ADAMTSL1: variants seen among roughly 807,000 people sequenced by gnomAD.
The protein encoded by ADAMTSL1 is ADAMTS like 1.
Under a neutral mutation model 201.8 loss-of-function variants are expected in ADAMTSL1, and 126 were observed. The ratio of observed to expected loss-of-function variants is 0.62; its 90% confidence interval spans 0.54 to 0.72. The LOEUF (loss-of-function observed/expected upper bound fraction) is 0.72. ADAMTSL1 is among the 30% of genes least tolerant of loss of function. The probability of loss-of-function intolerance (pLI) is 0.00; values close to 1 mark genes in which losing one functional copy is unlikely to be tolerated. For synonymous variants in ADAMTSL1, 1,121 were observed against 903.4 expected, an observed-to-expected ratio of 1.24 and a Z score of -4.32; for missense variants, 2,679 against 2,277.8, an observed-to-expected ratio of 1.18 and a Z score of -3.59.
chr9:18,167,936 A>C (rs1304253621), intron 2 of ADAMTSL1, among the ~76,000 whole-genome samples: 2 of 152,048 alleles, frequency 1.3e-5, no homozygotes, highest in African/African-American at 4.8e-5. Flanking sequence ...ACTTGAATTC[A>C]TTCAGCACAT....
chr9:17,945,573 C>G (rs1156442112), intron 1 of ADAMTSL1, among the ~76,000 whole-genome samples: 3 of 151,998 alleles, frequency 2.0e-5, no homozygotes, highest in Non-Finnish European at 4.4e-5. Flanking sequence ...ACCCAAATGT[C>G]CAACAATGAT....
At chr9:18,011,842 A>G (rs1384797825) in intron 1 of ADAMTSL1, among the ~76,000 whole-genome samples, 1 of 152,026 alleles carries the variant, frequency 6.6e-6, no homozygotes, top group African/African-American at 2.4e-5. Flanking sequence ...ACATGACACA[A>G]TACAACCCAT....
chr9:18,385,642 A>G (rs1452771625), intron 2 of ADAMTSL1, among the ~76,000 whole-genome samples: 1 of 152,202 alleles, frequency 6.6e-6, no homozygotes, highest in Non-Finnish European at 1.5e-5. Flanking sequence ...TAGCTGTAAA[A>G]TGAATATTCA....
rs1301993911 is a variant in ADAMTSL1 at position 18,908,241 on chromosome 9, G to T, written c.5183-201G>T. The T allele has an allele frequency of 1.7e-5, 10 of 593,014 alleles. 1 individual carries two copies. The East Asian group carries it at 1.8e-4, about 11-fold the overall frequency. 36.7% of individuals were successfully genotyped at this position (593,014 alleles called of 1,614,324 possible). On this transcript the variant is annotated intron_variant, in intron 28 of 28. Coordinates refer to ENST00000380548, the MANE Select transcript of ADAMTSL1 (RefSeq NM_001040272.6). The stretch of plus-strand genomic sequence containing the variant: ...TTCAGCCAGACAGCTGCAGGCTGGT[G>T]CCACCCCTGCTGTTGGCAGCCTTGG...
intron 1 of ADAMTSL1, among the ~76,000 whole-genome samples, chr9:18,098,990 T>C (rs1008552140): frequency 5.3e-5 from 8 of 152,144 alleles, no homozygotes; most frequent in Admixed American, 2.0e-4. Context: ...CTGAAGATAG[T>C]TGCCTTATAT....
intron 8 of ADAMTSL1, among the ~76,000 whole-genome samples, chr9:18,659,933 A>G (rs1828965210): frequency 6.6e-6 from 1 of 152,160 alleles, no homozygotes; most frequent in African/African-American, 2.4e-5. Context: ...AAAAAAAATG[A>G]AAACCATGCT....
chr9:18,904,727 G>A (rs1588358593), intron 26 of ADAMTSL1, among the ~76,000 whole-genome samples: 1 of 122,288 alleles, frequency 8.2e-6, no homozygotes, highest in Middle Eastern at 3.7e-3. Context: ...TTGGTGTTAA[G>A]GGGGCTTTTT....
chr9:18,842,276 T>C (rs1051575505), intron 23 of ADAMTSL1, among the ~76,000 whole-genome samples: 5 of 152,212 alleles, frequency 3.3e-5, no homozygotes, highest in Non-Finnish European at 7.3e-5. Context: ...TCTTTCTTTC[T>C]GCCTTCATTT....
intron 7 of ADAMTSL1, among the ~76,000 whole-genome samples, chr9:18,654,108 A>G (rs1209859160): frequency 3.3e-5 from 5 of 152,262 alleles, no homozygotes; most frequent in African/African-American, 1.2e-4. Flanking sequence ...GGACACCTAT[A>G]ATACCAGCTA....
At chr9:18,582,269 C>G (rs1470280361) in intron 4 of ADAMTSL1, among the ~76,000 whole-genome samples, 1 of 152,178 alleles carries the variant, frequency 6.6e-6, no homozygotes. Flanking sequence ...CAGTTCATCT[C>G]TCAGTTTATC....
intron 5 of ADAMTSL1, among the ~76,000 whole-genome samples, chr9:18,627,713 G>A (rs1826480833): frequency 6.6e-6 from 1 of 152,144 alleles, no homozygotes; most frequent in Non-Finnish European, 1.5e-5. Context: ...ATTACATTGA[G>A]TCCACTCAGA....
chr9:18,017,648 C>T (rs1563951284), intron 1 of ADAMTSL1, among the ~76,000 whole-genome samples: 2 of 152,044 alleles, frequency 1.3e-5, no homozygotes, highest in South Asian at 4.2e-4. Context: ...AAATTATGAT[C>T]AAATTTTTTC....
In ADAMTSL1 at chr9:18,679,976, A is replaced by G. The variant is rs531132478; in HGVS notation, c.1137-336A>G. 9.2e-5 allele frequency among the ~76,000 whole-genome samples: 14 copies of G among 152,350 alleles called. No individual in the cohort carries two copies. The East Asian group carries it at 2.5e-3, about 27-fold the overall frequency. ...TGAGTTTAATGAAAATAAATTTTATATATACATATCCTGAAACTATGGGAG... is the reference window on the plus strand; with the variant it reads ...TGAGTTTAATGAAAATAAATTTTATGTATACATATCCTGAAACTATGGGAG... On this transcript the variant is annotated intron_variant, in intron 10 of 28. Coordinates refer to ENST00000380548, the MANE Select transcript of ADAMTSL1 (RefSeq NM_001040272.6).
chr9:18,310,918 A>C (rs1357767706), intron 2 of ADAMTSL1, among the ~76,000 whole-genome samples: 1 of 152,178 alleles, frequency 6.6e-6, no homozygotes. Context: ...TGTTTATTGC[A>C]GCACTATTCA....
chr9:18,013,809 A>AG (rs936786279), intron 1 of ADAMTSL1, among the ~76,000 whole-genome samples: 38 of 151,896 alleles, frequency 2.5e-4, no homozygotes, highest in African/African-American at 8.9e-4. Flanking sequence ...ACTGATTTCT[A>AG]GGGGGGGAGC....
chr9:18,785,477 A>G (rs1457965463), intron 19 of ADAMTSL1, among the ~76,000 whole-genome samples: 1 of 152,258 alleles, frequency 6.6e-6, no homozygotes, highest in Admixed American at 6.5e-5. Flanking sequence ...CTCAATAAAC[A>G]TTACAATTGC....
At chr9:18,897,467 C>A (rs1829717237) in intron 26 of ADAMTSL1, among the ~76,000 whole-genome samples, 1 of 152,184 alleles carries the variant, frequency 6.6e-6, no homozygotes, top group Non-Finnish European at 1.5e-5. Flanking sequence ...AGCATCTGGG[C>A]CAGCAACAGG....
At chr9:18,595,549 T>G (rs1239039092) in intron 4 of ADAMTSL1, among the ~76,000 whole-genome samples, 1 of 152,200 alleles carries the variant, frequency 6.6e-6, no homozygotes, top group Non-Finnish European at 1.5e-5. Flanking sequence ...TGGAATCTGC[T>G]TTGGGACAGA....
rs148610332 is a variant in ADAMTSL1 at position 18,402,951 on chromosome 9, A to T, written c.208-101878A>T. 9.1e-4 allele frequency among the ~76,000 whole-genome samples: 138 copies of T among 152,226 alleles called. 1 individual carries two copies. Among genetic ancestry groups the T allele is most frequent in the African/African-American group, 3.1e-3 (130 of 41,542 alleles). ...TGCATTCTCATTTGATCCTCACAGA[A>T]TCTTATGAGGTTGACTTCATTAATG... On this transcript the variant is annotated intron_variant, in intron 2 of 29. Transcript: ENST00000680146.
Sources: allele counts gnomAD v4.1 joint callset (sites outside exome capture counted in the v4.1 genomes callset), GRCh38; gene constraint gnomAD v4.1.1; transcripts MANE v1.5; gene names NCBI Gene and HGNC (gene_info 2026-07-23, HGNC 2026-07-21).